The following FHIT variants were observed in gnomAD, a reference collection of about 807,000 sequenced individuals.
FHIT encodes bis(5'-adenosyl)-triphosphatase.
FHIT carries 19 observed loss-of-function variants against 17.9 expected under a neutral mutation model. That is an observed-to-expected ratio of 1.06 (90% CI 0.74 to 1.56). The LOEUF is 1.56. Among genes scored for constraint, FHIT ranks in the 40% most tolerant of loss-of-function variants. The probability of loss-of-function intolerance (pLI) is 0.00; values close to 1 mark genes in which losing one functional copy is unlikely to be tolerated. For synonymous variants in FHIT, 81 were observed against 69.7 expected (o/e 1.16, Z -0.81); for missense variants, 248 against 189.2 (o/e 1.31, Z -1.82).
intron 5 of FHIT, among the ~76,000 whole-genome samples, chr3:60,343,854 G>A (rs1301715260): frequency 6.6e-6 from 1 of 152,118 alleles, no homozygotes; most frequent in Admixed American, 6.6e-5. Flanking sequence ...TCCCAACAGT[G>A]GTGGACTACT....
chr3:61,060,767 T>A (rs2106695923), intron 2 of FHIT, among the ~76,000 whole-genome samples: 1 of 152,362 alleles, frequency 6.6e-6, no homozygotes, highest in South Asian at 2.1e-4. Flanking sequence ...GCGGACAGAT[T>A]AAGCTCCAGA....
intron 5 of FHIT, among the ~76,000 whole-genome samples, chr3:60,452,776 C>G (rs187780332): frequency 6.6e-6 from 1 of 152,184 alleles, no homozygotes; most frequent in Admixed American, 6.5e-5. Flanking sequence ...TTAAAATGGT[C>G]TTGAATCAAT....
At chr3:61,001,520 G>A (rs1418519268) in intron 3 of FHIT, among the ~76,000 whole-genome samples, 1 of 152,124 alleles carries the variant, frequency 6.6e-6, no homozygotes, top group Non-Finnish European at 1.5e-5. Flanking sequence ...GAATATCAAG[G>A]AAATTATGCT....
chr3:60,931,536 T>C (rs1389811979), intron 3 of FHIT, among the ~76,000 whole-genome samples: 1 of 152,200 alleles, frequency 6.6e-6, no homozygotes, highest in African/African-American at 2.4e-5. Context: ...AGTACAGATC[T>C]GTGTTAAGCA....
chr3:59,981,964 G>GA (rs3836265), intron 7 of FHIT, among the ~76,000 whole-genome samples: 71,164 of 150,342 alleles, frequency 0.47, 17,109 homozygotes, highest in Middle Eastern at 0.55. Flanking sequence ...TCAGCAAAAA[G>GA]AAAAAAAAAA....
chr3:60,615,453 G>C (rs1358575023), intron 4 of FHIT, among the ~76,000 whole-genome samples: 1 of 152,106 alleles, frequency 6.6e-6, no homozygotes, highest in Non-Finnish European at 1.5e-5. Flanking sequence ...AACCACCAGA[G>C]TATTACAGTA....
chr3:60,929,153 A>T (rs1707814948), intron 3 of FHIT, among the ~76,000 whole-genome samples: 1 of 152,346 alleles, frequency 6.6e-6, no homozygotes, highest in South Asian at 2.1e-4. Flanking sequence ...GACCTTTGAC[A>T]AAATTCAACC....
intron 3 of FHIT, among the ~76,000 whole-genome samples, chr3:60,895,728 TTC>T (rs1395838850): frequency 7.3e-6 from 1 of 137,112 alleles, no homozygotes; most frequent in East Asian, 2.1e-4. Flanking sequence ...CTTTCTTTCT[TTC>T]TTTCTTCTTT....
intron 5 of FHIT, among the ~76,000 whole-genome samples, chr3:60,350,537 T>C (rs1024493024): frequency 2.0e-5 from 3 of 152,162 alleles, no homozygotes; most frequent in Non-Finnish European, 4.4e-5. Flanking sequence ...TAAGCATTTG[T>C]GCTTTCCCAA....
intron 8 of FHIT, among the ~76,000 whole-genome samples, chr3:59,802,563 A>AC (rs36002497): frequency 6.6e-6 from 1 of 151,580 alleles, no homozygotes; most frequent in East Asian, 1.9e-4. Flanking sequence ...CCAGAGAACA[A>AC]CCCCCTTTGA....
chr3:60,997,326 C>T (rs1173521008), intron 3 of FHIT, among the ~76,000 whole-genome samples: 3 of 152,136 alleles, frequency 2.0e-5, no homozygotes, highest in African/African-American at 4.8e-5. Context: ...AGTGCTGGTA[C>T]TACCTGGTTT....
At chr3:61,086,817 T>G (rs2035320310) in intron 2 of FHIT, among the ~76,000 whole-genome samples, 1 of 152,274 alleles carries the variant, frequency 6.6e-6, no homozygotes, top group East Asian at 1.9e-4. Context: ...CTAAATCATA[T>G]TATTCTTCCT....
intron 5 of FHIT, among the ~76,000 whole-genome samples, chr3:60,155,735 C>A (rs1009215862): frequency 3.3e-5 from 5 of 152,176 alleles, no homozygotes; most frequent in Non-Finnish European, 7.4e-5. Flanking sequence ...ACCACGTTGA[C>A]TCCATGCGTT....
At chr3:60,533,836 A>G (rs528287599) in intron 5 of FHIT, among the ~76,000 whole-genome samples, 1 of 152,322 alleles carries the variant, frequency 6.6e-6, no homozygotes, top group Non-Finnish European at 1.5e-5. Context: ...GACATTCCTT[A>G]TTGGTTTATT....
At chr3:59,938,500 G>A (rs1244503901) in intron 7 of FHIT, among the ~76,000 whole-genome samples, 1 of 152,058 alleles carries the variant, frequency 6.6e-6, no homozygotes, top group African/African-American at 2.4e-5. Context: ...AAGACTGCAG[G>A]TAAAACTGTA....
intron 3 of FHIT, among the ~76,000 whole-genome samples, chr3:60,877,992 T>G (rs1704750000): frequency 6.6e-6 from 1 of 152,126 alleles, no homozygotes; most frequent in Admixed American, 6.5e-5. Context: ...ACATAGTTCT[T>G]CATTCTCAGG....
At chr3:60,511,592 A>G (rs2034952784) in intron 5 of FHIT, among the ~76,000 whole-genome samples, 1 of 152,200 alleles carries the variant, frequency 6.6e-6, no homozygotes, top group African/African-American at 2.4e-5. Flanking sequence ...GCTGGATTTT[A>G]ATGGAGGTAT....
chr3:60,382,403 T>C (rs897282830), intron 5 of FHIT, among the ~76,000 whole-genome samples: 2 of 152,248 alleles, frequency 1.3e-5, no homozygotes, highest in African/African-American at 4.8e-5. Flanking sequence ...CGAAGTGTTT[T>C]TCTTCAGGCA....
At chr3:60,289,678 A>G (rs947774393) in intron 5 of FHIT, among the ~76,000 whole-genome samples, 3 of 152,192 alleles carry the variant, frequency 2.0e-5, no homozygotes, top group African/African-American at 7.2e-5. Context: ...AGCTGACTTG[A>G]AAGTCTTTCT....
Sources: allele counts gnomAD v4.1 joint callset (sites outside exome capture counted in the v4.1 genomes callset), GRCh38; gene constraint gnomAD v4.1.1; transcripts MANE v1.5; gene names NCBI Gene and HGNC (gene_info 2026-07-23, HGNC 2026-07-21).